Variants in CCSER1 observed in about 807,000 individuals in gnomAD.
The protein encoded by CCSER1 is coiled-coil serine rich protein 1, also known as serine-rich coiled-coil domain-containing protein 1.
Under a neutral mutation model 82.0 loss-of-function variants are expected in CCSER1, and 41 were observed. The observed-to-expected ratio is 0.50, with a 90% CI of 0.39 to 0.65. The LOEUF (loss-of-function observed/expected upper bound fraction) is 0.65, where lower values mean the gene tolerates loss of function less well. Among genes scored for constraint, CCSER1 ranks in the 30% least tolerant of loss-of-function variants. CCSER1 has a pLI of 0.00. For synonymous variants in CCSER1, 414 were observed against 383.9 expected (o/e 1.08, Z -0.92); for missense variants, 1,119 against 1,064.2 (o/e 1.05, Z -0.72).
intron 8 of CCSER1, among the ~76,000 whole-genome samples, chr4:90,888,542 C>CAA (rs11448502): frequency 6.6e-6 from 1 of 151,244 alleles, no homozygotes; most frequent in African/African-American, 2.4e-5. Context: ...TTGCTTGCCA[C>CAA]AAAAAAAATC....
At chr4:91,209,795 C>T (rs1437703538) in intron 10 of CCSER1, among the ~76,000 whole-genome samples, 2 of 151,274 alleles carry the variant, frequency 1.3e-5, no homozygotes, top group Non-Finnish European at 3.0e-5. Context: ...TTTTTTTTCC[C>T]CAATTCAGTC....
chr4:90,548,855 G>C (rs150776632), intron 5 of CCSER1, among the ~76,000 whole-genome samples: 1 of 151,752 alleles, frequency 6.6e-6, no homozygotes, highest in East Asian at 1.9e-4. Flanking sequence ...GAATATCAAA[G>C]TTCAAAAGAA....
At chr4:90,248,766 C>T (rs936291138) in intron 1 of CCSER1, among the ~76,000 whole-genome samples, 1 of 151,062 alleles carries the variant, frequency 6.6e-6, no homozygotes, top group Non-Finnish European at 1.5e-5. Flanking sequence ...GGTGTGATCA[C>T]CGTTCACTGA....
In CCSER1 at chr4:90,530,612, C is replaced by A. The variant is rs148583655; in HGVS notation, c.1724+62258C>A. 3.8e-3 allele frequency among the ~76,000 whole-genome samples: 583 copies of A among 152,244 alleles called. 2 individuals carry two copies. Among genetic ancestry groups the A allele is most frequent in the African/African-American group, 0.013 (533 of 41,552 alleles). ...GTGATTTCTCAGAACTGTGGTGCCA[C>A]CCATTTTTACATCAAATATGAGTGC... On this transcript the variant is annotated intron_variant, in intron 5 of 10. Transcript: ENST00000509176.
At chr4:91,291,022 T>C (rs547680752) in intron 10 of CCSER1, among the ~76,000 whole-genome samples, 247 of 151,720 alleles carry the variant, frequency 1.6e-3, no homozygotes, top group Non-Finnish European at 2.3e-3. Flanking sequence ...ACTTTGACTT[T>C]TTGATTATTA....
intron 10 of CCSER1, among the ~76,000 whole-genome samples, chr4:91,194,239 G>A (rs1487637814): frequency 1.3e-5 from 2 of 152,170 alleles, no homozygotes; most frequent in Non-Finnish European, 2.9e-5. Flanking sequence ...TAGAGTGCAT[G>A]AGCCACTGCA....
At chr4:90,276,255 C>CTTTCTTTTCTTTCT (rs1560929917) in intron 1 of CCSER1, among the ~76,000 whole-genome samples, 1 of 52,802 alleles carries the variant, frequency 1.9e-5, no homozygotes, top group African/African-American at 7.2e-5. Flanking sequence ...TCTTTCTTTC[C>CTTTCTTTTCTTTCT]TTCCTTCCTT....
chr4:91,212,776 G>A (rs377177616), intron 10 of CCSER1, among the ~76,000 whole-genome samples: 2 of 151,992 alleles, frequency 1.3e-5, no homozygotes, highest in Admixed American at 6.6e-5. Context: ...ACATGTGCAG[G>A]TTTGTTACAT....
chr4:90,622,777 T>C (rs1404207964), intron 5 of CCSER1, among the ~76,000 whole-genome samples: 2 of 152,118 alleles, frequency 1.3e-5, no homozygotes, highest in Admixed American at 1.3e-4. Context: ...TTTGGGTATA[T>C]ACCCAGTAAT....
chr4:91,060,291 T>A (rs1454851996), intron 9 of CCSER1, among the ~76,000 whole-genome samples: 1 of 152,024 alleles, frequency 6.6e-6, no homozygotes, highest in Non-Finnish European at 1.5e-5. Flanking sequence ...AATAAAACAT[T>A]TATTAGGAAA....
chr4:90,732,877 G>C (rs1462493738), intron 7 of CCSER1, among the ~76,000 whole-genome samples: 2 of 151,978 alleles, frequency 1.3e-5, no homozygotes, highest in African/African-American at 4.8e-5. Context: ...CTTTTTTATG[G>C]CTGAATAGTG....
At chr4:91,355,604 C>T (rs368999054) in intron 10 of CCSER1, among the ~76,000 whole-genome samples, 45 of 152,190 alleles carry the variant, frequency 3.0e-4, no homozygotes, top group East Asian at 9.7e-4. Context: ...CTCAGTCTGA[C>T]GAAGGTTAGT....
chr4:90,853,412 A>G (rs556207922), intron 8 of CCSER1, among the ~76,000 whole-genome samples: 44 of 152,318 alleles, frequency 2.9e-4, no homozygotes, highest in African/African-American at 9.6e-4. Flanking sequence ...GTGATTAATA[A>G]AAGTACAAGA....
intron 8 of CCSER1, among the ~76,000 whole-genome samples, chr4:90,860,354 A>T (rs970671065): frequency 6.6e-6 from 1 of 151,652 alleles, no homozygotes; most frequent in African/African-American, 2.4e-5. Flanking sequence ...CAGAAAATAA[A>T]AAATATTAGC....
At chr4:91,452,681 A>G (rs1755936364) in intron 10 of CCSER1, among the ~76,000 whole-genome samples, 1 of 152,030 alleles carries the variant, frequency 6.6e-6, no homozygotes, top group Non-Finnish European at 1.5e-5. Context: ...AAACAACTGA[A>G]TGAATTCCTT....
intron 10 of CCSER1, among the ~76,000 whole-genome samples, chr4:91,218,953 C>A (rs1425193164): frequency 6.6e-6 from 1 of 152,042 alleles, no homozygotes; most frequent in African/African-American, 2.4e-5. Flanking sequence ...ATTTTGCTAC[C>A]ACAAAGAGAA....
chr4:91,590,945 T>TATCA (rs935851637), intron 10 of CCSER1, among the ~76,000 whole-genome samples: 4 of 152,168 alleles, frequency 2.6e-5, no homozygotes, highest in African/African-American at 9.7e-5. Flanking sequence ...TTGATATGTA[T>TATCA]ATCACTGATC....
chr4:91,377,271 G>A (rs935428400), intron 10 of CCSER1, among the ~76,000 whole-genome samples: 1 of 152,142 alleles, frequency 6.6e-6, no homozygotes, highest in Non-Finnish European at 1.5e-5. Context: ...ACCCAGTAAT[G>A]AGACAGCTGG....
At chr4:90,148,549 T>C (rs1726240901) in intron 1 of CCSER1, among the ~76,000 whole-genome samples, 1 of 152,144 alleles carries the variant, frequency 6.6e-6, no homozygotes. Flanking sequence ...GCTTCTTGGT[T>C]AGAGAGAAGG....
Sources: gnomAD v4.1 joint callset for allele counts (sites outside exome capture counted in the v4.1 genomes callset) on GRCh38, gnomAD v4.1.1 for gene constraint, MANE v1.5 for transcripts, NCBI Gene and HGNC (gene_info 2026-07-23, HGNC 2026-07-21) for gene names.